The following PM20D2 variants were observed in gnomAD, a reference collection of about 807,000 sequenced individuals.
PM20D2 encodes the protein xaa-Arg dipeptidase.
A neutral mutation model predicts 42.9 loss-of-function variants in PM20D2; 33 were observed. The observed-to-expected ratio is 0.77, with a 90% CI of 0.58 to 1.03. The LOEUF is 1.03. Among genes scored for constraint, PM20D2 ranks in the 50% least tolerant of loss-of-function variants. PM20D2 has a pLI of 0.00. For missense variants in PM20D2, 548 were observed against 557.0 expected, an observed-to-expected ratio of 0.98 and a Z score of 0.16; for synonymous variants, 250 against 228.2, an observed-to-expected ratio of 1.10 and a Z score of -0.86.
Position 89,162,377 on chromosome 6 carries a change from T to A in PM20D2, c.*114T>A. 9.0e-7 allele frequency: 1 copy of A among 1,108,036 alleles called. No homozygotes were observed. The highest frequency in any genetic ancestry group is 1.3e-6 in the Non-Finnish European group (1 of 793,782). 68.6% of individuals were successfully genotyped at this position (1,108,036 alleles called of 1,614,324 possible). ...TTAAAGGAGTAAAATTCTTTTTACCTGATAAGTGAGGACAGGGTGTGGAGA... is the reference window on the plus strand; with the variant it reads ...TTAAAGGAGTAAAATTCTTTTTACCAGATAAGTGAGGACAGGGTGTGGAGA... On this transcript the variant is annotated 3_prime_UTR_variant, in exon 7 of 7. Coordinates refer to ENST00000275072, the MANE Select transcript of PM20D2 (RefSeq NM_001010853.3).
rs1411979403 is a variant in PM20D2 at position 89,148,543 on chromosome 6, A to G, written c.466-722A>G. On this transcript the variant is annotated intron_variant, in intron 1 of 6. Coordinates refer to ENST00000275072, the MANE Select transcript of PM20D2 (RefSeq NM_001010853.3). ...TAATTAGGTGTTTGGTGACCAATAAATCTGCCTGGTTGAACTGGTGGAATC... is the reference window on the plus strand; with the variant it reads ...TAATTAGGTGTTTGGTGACCAATAAGTCTGCCTGGTTGAACTGGTGGAATC... The G allele has an allele frequency of 3.0e-6, 3 of 983,724 alleles. No homozygotes were observed. The African/African-American group carries it at 5.2e-5, about 17-fold the overall frequency. 60.9% of individuals were successfully genotyped at this position (983,724 alleles called of 1,614,324 possible). A position where few individuals can be genotyped will look rare whatever the true frequency, so the allele number is the denominator to read the frequency against.
At chr6:89,097,387 T>G in the PM20D2 span, 1 of 152,216 alleles carries the variant, frequency 6.6e-6, no homozygotes, top group Admixed American at 6.5e-5. Context: ...AAAGAAATTA[T>G]TAGTTATAAC....
chr6:89,121,720 A>G, the PM20D2 span, among the ~76,000 whole-genome samples: 1 of 152,196 alleles, frequency 6.6e-6, no homozygotes, highest in Non-Finnish European at 1.5e-5. Context: ...AAATCTGACA[A>G]CTGTTCCCAT....
the PM20D2 span, among the ~76,000 whole-genome samples, chr6:89,102,613 A>G: frequency 6.6e-6 from 1 of 152,202 alleles, no homozygotes; most frequent in Non-Finnish European, 1.5e-5. Flanking sequence ...AGGACGCTAT[A>G]ATATATTTGG....
chr6:89,164,736 A>G lies in PM20D2; in HGVS notation c.*2473A>G, dbSNP rs1167815575. On this transcript the variant is annotated 3_prime_UTR_variant, in exon 7 of 7. Transcript: ENST00000275072. ...TGAAAGAAAACAAGACAAAATGTCT[A>G]TGGTAGGGAATAAAAGAGTTTAAGA... The G allele has an allele frequency of 6.6e-6, 1 of 152,438 alleles. No homozygotes were observed. The highest frequency in any genetic ancestry group is 1.9e-4 in the East Asian group (1 of 5,194). The allele number at this position is 152,438 out of a possible 1,614,324, so 9.4% of individuals were successfully genotyped here.
Position 89,155,447 on chromosome 6 carries a change from G to A in PM20D2, c.912+545G>A, listed in dbSNP as rs576776433. 4.0e-5 allele frequency among the ~76,000 whole-genome samples: 6 copies of A among 150,200 alleles called. No homozygotes were observed. The East Asian group carries it at 8.0e-4, about 20-fold the overall frequency. The stretch of plus-strand genomic sequence containing the variant: ...GGACTACAGGCACGCACCACCACAC[G>A]TGGCTAATTTTTTGTATGTTTTTCT... On this transcript the variant is annotated intron_variant, in intron 4 of 6. Coordinates refer to ENST00000275072, the MANE Select transcript of PM20D2 (RefSeq NM_001010853.3).
At chr6:89,095,366 C>A in the PM20D2 span, among the ~76,000 whole-genome samples, 1 of 152,176 alleles carries the variant, frequency 6.6e-6, no homozygotes, top group Non-Finnish European at 1.5e-5. Context: ...GCATGCGCCA[C>A]CACGCCCGGC....
chr6:89,152,150 AC>A (rs1460701157), intron 2 of PM20D2, among the ~76,000 whole-genome samples: 1 of 152,160 alleles, frequency 6.6e-6, no homozygotes, highest in Non-Finnish European at 1.5e-5. Flanking sequence ...CAAGGAAATA[AC>A]AATACAGTAT....
the PM20D2 span, among the ~76,000 whole-genome samples, chr6:89,123,147 T>C: frequency 6.6e-6 from 1 of 152,150 alleles, no homozygotes; most frequent in Admixed American, 6.5e-5. Flanking sequence ...GTATTGAAAA[T>C]CTTGGGGGGG....
the PM20D2 span, chr6:89,117,836 C>T: frequency 1.9e-6 from 3 of 1,559,056 alleles, no homozygotes; most frequent in Non-Finnish European, 2.6e-6. Context: ...GTGGCGTCCG[C>T]GACGTTCCTG....
chr6:89,155,691 T>C (rs1261362409), intron 4 of PM20D2, among the ~76,000 whole-genome samples: 1 of 151,504 alleles, frequency 6.6e-6, no homozygotes, highest in Non-Finnish European at 1.5e-5. Flanking sequence ...AGTTAAGAGG[T>C]TTTATTGATT....
At chr6:89,098,631 G>C in the PM20D2 span, 8,593 of 1,613,820 alleles carry the variant, frequency 5.3e-3, 66 homozygotes, top group Non-Finnish European at 5.2e-3. Context: ...GACCGAAAAT[G>C]AGAATGCTTT....
chr6:89,117,289 A>C, the PM20D2 span, among the ~76,000 whole-genome samples: 7 of 152,230 alleles, frequency 4.6e-5, no homozygotes, highest in African/African-American at 1.7e-4. Flanking sequence ...TGTGTGAATA[A>C]AATGCAAGCA....
At chr6:89,102,787 T>C in the PM20D2 span, among the ~76,000 whole-genome samples, 1 of 152,212 alleles carries the variant, frequency 6.6e-6, no homozygotes, top group Non-Finnish European at 1.5e-5. Context: ...AGTCTTCCTC[T>C]GTTGCCCAGG....
intron 3 of PM20D2, among the ~76,000 whole-genome samples, chr6:89,153,418 G>C (rs539283095): frequency 1.3e-5 from 2 of 152,132 alleles, no homozygotes; most frequent in South Asian, 4.2e-4. Context: ...TCATCTTTGA[G>C]TATCAAAGAT....
chr6:89,103,630 C>T, the PM20D2 span, among the ~76,000 whole-genome samples: 1 of 152,060 alleles, frequency 6.6e-6, no homozygotes, highest in Non-Finnish European at 1.5e-5. Context: ...TGCGCCTGGC[C>T]TGAATTTTTA....
At chr6:89,151,376 A>G (rs948623023) in intron 2 of PM20D2, among the ~76,000 whole-genome samples, 2 of 151,806 alleles carry the variant, frequency 1.3e-5, no homozygotes, top group Non-Finnish European at 2.9e-5. Context: ...ATTACAGGCA[A>G]GCACCACCAC....
chr6:89,147,348 G>A (rs1055338758), intron 1 of PM20D2, among the ~76,000 whole-genome samples: 30 of 152,210 alleles, frequency 2.0e-4, no homozygotes, highest in African/African-American at 6.0e-4. Context: ...TCGTCATTCA[G>A]TTAAGGGGAA....
At chr6:89,145,268 A>G (rs572107031), upstream of PM20D2, among the ~76,000 whole-genome samples, 4 of 152,368 alleles carry the variant, frequency 2.6e-5, no homozygotes, top group African/African-American at 9.6e-5. Context: ...TAAAAAACTC[A>G]GTTATAATGT....
Sources: gnomAD v4.1 joint callset for allele counts (sites outside exome capture counted in the v4.1 genomes callset) on GRCh38, gnomAD v4.1.1 for gene constraint, MANE v1.5 for transcripts, NCBI Gene and HGNC (gene_info 2026-07-23, HGNC 2026-07-21) for gene names.